HDAC5: variants seen among roughly 807,000 people sequenced by gnomAD.
HDAC5 encodes antigen NY-CO-9.
A neutral mutation model predicts 133.3 loss-of-function variants in HDAC5; 25 were observed. That is an observed-to-expected ratio of 0.19 (90% CI 0.14 to 0.26). HDAC5 has a LOEUF of 0.26. Ranked by LOEUF, HDAC5 falls within the 10% of genes least tolerant of loss-of-function variation. HDAC5 has a pLI of 1.00. For synonymous variants in HDAC5, 589 were observed against 610.8 expected (o/e 0.96, Z 0.53); for missense variants, 1,041 against 1,460.5 (o/e 0.71, Z 4.68).
intron 3 of HDAC5, among the ~76,000 whole-genome samples, chr17:44,096,452 A>C (rs1180326344): frequency 6.6e-6 from 1 of 151,672 alleles, no homozygotes; most frequent in African/African-American, 2.4e-5. Flanking sequence ...AAAAAAACAA[A>C]AAACAAGTTT....
chr17:44,078,604 G>C lies in HDAC5; in HGVS notation c.3225C>G (p.Ala1075=). 1 of 1,608,822 alleles carries C rather than the reference G, an allele frequency of 6.2e-7. No homozygotes were observed. The highest frequency in any genetic ancestry group is 2.2e-5 in the East Asian group (1 of 44,868). ...AAGLGRSLRE[A]QAGETEEAET... is the part of the protein sequence containing the mutation. ...CGGCCTCCTCGGTCTCACCTGCTTG[G>C]GCCTCTCGCAGGGACCGGCCCAGAC... Residue 1075 remains alanine (A), a synonymous_variant, in exon 26 of 27, where the codon GCC becomes GCG. Coordinates refer to ENST00000682912, the MANE Select transcript of HDAC5 (RefSeq NM_005474.5).
At chr17:44,115,314 G>A (rs973663123) in intron 2 of HDAC5, among the ~76,000 whole-genome samples, 2 of 152,182 alleles carry the variant, frequency 1.3e-5, no homozygotes, top group Admixed American at 6.5e-5. Flanking sequence ...CAGACCCTGG[G>A]GACTAACCAT....
intron 3 of HDAC5, among the ~76,000 whole-genome samples, chr17:44,096,096 A>C (rs1292151050): frequency 2.0e-5 from 3 of 152,180 alleles, no homozygotes; most frequent in East Asian, 1.9e-4. Context: ...AACTGGGCAA[A>C]CACCACACCA....
intron 3 of HDAC5, among the ~76,000 whole-genome samples, chr17:44,102,153 C>T (rs34877697): frequency 0.023 from 3,532 of 152,300 alleles, 164 homozygotes; most frequent in African/African-American, 0.081. Context: ...CATGGGCTCT[C>T]GTCTAAAGGG....
intron 3 of HDAC5, among the ~76,000 whole-genome samples, chr17:44,109,862 C>A (rs1458868603): frequency 6.6e-6 from 1 of 152,254 alleles, no homozygotes; most frequent in East Asian, 1.9e-4. Flanking sequence ...GTCCAGCAGG[C>A]CCCTCCCTGG....
At chr17:44,113,657 C>T (rs2052474153) in intron 2 of HDAC5, among the ~76,000 whole-genome samples, 1 of 152,142 alleles carries the variant, frequency 6.6e-6, no homozygotes, top group Middle Eastern at 3.2e-3. Flanking sequence ...ATGAGCTTCA[C>T]CCAGAGCCAG....
rs536229389 is a variant in HDAC5 at position 44,094,149 on chromosome 17, C to T, written c.95-315G>A. Among the ~76,000 whole-genome samples, 5 of 151,958 alleles carry T rather than the reference C, an allele frequency of 3.3e-5. No homozygotes were observed. In the East Asian group the frequency reaches 9.7e-4, roughly 29 times the overall value. ...ACCAGCCTGGTCAACATGATGAAAC[C>T]CCCTCACTACTAAAAATACAAAAAT... On this transcript the variant is annotated intron_variant, in intron 3 of 26. Coordinates refer to ENST00000682912, the MANE Select transcript of HDAC5 (RefSeq NM_005474.5).
At chr17:44,100,212 C>T (rs1181936071) in intron 3 of HDAC5, among the ~76,000 whole-genome samples, 2 of 152,126 alleles carry the variant, frequency 1.3e-5, no homozygotes, top group East Asian at 1.9e-4. Flanking sequence ...CCAAGCCTTC[C>T]GCCTGCTCTG....
chr17:44,081,817 G>A (rs2050406964), intron 20 of HDAC5: 1 of 152,172 alleles, frequency 6.6e-6, no homozygotes, highest in Non-Finnish European at 1.5e-5. Flanking sequence ...CTGACCCCAA[G>A]TGATTCACCC....
chr17:44,092,828 G>GGGGGGGGGGGGC, intron 6 of HDAC5, 22 bp from the exon 7 acceptor site: 1 of 596,630 alleles, frequency 1.7e-6, no homozygotes, highest in Non-Finnish European at 2.9e-6. Context: ...GGGGGGTGGG[G>GGGGGGGGGGGGC]ATGGAAGCAG....
At position 44,093,077 on chromosome 17, in the gene HDAC5, G is replaced by A. The variant is rs1265675639; in HGVS notation, c.641+15C>T. 6.3e-7 allele frequency: 1 copy of A among 1,590,144 alleles called. No homozygotes were observed. The highest frequency in any genetic ancestry group is 8.6e-7 in the Non-Finnish European group (1 of 1,163,828). Reference sequence around the variant, plus strand: ...GGCTCACCTATGCCCACCCATGCCTGCCCAGGGCCATTACCAGCATTTGGG... The same window carrying A: ...GGCTCACCTATGCCCACCCATGCCTACCCAGGGCCATTACCAGCATTTGGG... On this transcript the variant is annotated intron_variant, in intron 6 of 26. Coordinates refer to ENST00000682912, the MANE Select transcript of HDAC5 (RefSeq NM_005474.5).
chr17:44,123,361 C>T (rs2053131063), intron 1 of HDAC5, 143 bp downstream of exon 1: 1 of 336,208 alleles, frequency 3.0e-6, no homozygotes, highest in Non-Finnish European at 5.4e-6. Context: ...CGGCTGGCTC[C>T]CAGGGCCGGG....
intron 2 of HDAC5, among the ~76,000 whole-genome samples, chr17:44,112,461 T>C (rs938996407): frequency 1.3e-5 from 2 of 152,058 alleles, no homozygotes; most frequent in African/African-American, 4.8e-5. Context: ...TATTCCTGTG[T>C]CTATATCCCC....
intron 3 of HDAC5, among the ~76,000 whole-genome samples, chr17:44,100,676 A>G (rs1336770001): frequency 6.6e-6 from 1 of 150,748 alleles, no homozygotes; most frequent in African/African-American, 2.4e-5. Flanking sequence ...ACTTGAACCC[A>G]GGAGGTGGAG....
At chr17:44,095,008 C>T (rs1386415905) in intron 3 of HDAC5, among the ~76,000 whole-genome samples, 3 of 151,950 alleles carry the variant, frequency 2.0e-5, no homozygotes, top group Non-Finnish European at 4.4e-5. Context: ...GTTGCCCAGG[C>T]TGAATTAAAC....
chr17:44,111,722 C>T (rs1040863282), intron 2 of HDAC5: 1 of 507,834 alleles, frequency 2.0e-6, no homozygotes, highest in South Asian at 1.4e-5. Context: ...CCCCTTCAAC[C>T]AGCAGAGAGA....
At chr17:44,121,870 C>G (rs932173551) in intron 1 of HDAC5, among the ~76,000 whole-genome samples, 1 of 152,140 alleles carries the variant, frequency 6.6e-6, no homozygotes, top group African/African-American at 2.4e-5. Flanking sequence ...GTAACCCACA[C>G]TTGAGATCTG....
intron 3 of HDAC5, among the ~76,000 whole-genome samples, chr17:44,099,440 G>C (rs974497285): frequency 1.3e-5 from 2 of 152,178 alleles, no homozygotes; most frequent in African/African-American, 4.8e-5. Context: ...TCCCAGCCTG[G>C]GTTGCTGAGT....
intron 3 of HDAC5, among the ~76,000 whole-genome samples, chr17:44,095,957 A>G (rs897494011): frequency 6.6e-6 from 1 of 152,074 alleles, no homozygotes; most frequent in Non-Finnish European, 1.5e-5. Flanking sequence ...CAATGGGCCG[A>G]GTGGCTCAGG....
Sources: allele counts gnomAD v4.1 joint callset (sites outside exome capture counted in the v4.1 genomes callset), GRCh38; gene constraint gnomAD v4.1.1; transcripts MANE v1.5; gene names NCBI Gene and HGNC (gene_info 2026-07-23, HGNC 2026-07-21).